Variants in DCAF4L2 observed in about 807,000 individuals in gnomAD.
The protein encoded by DCAF4L2 is DDB1- and CUL4-associated factor 4-like protein 2.
Under a neutral mutation model 15.5 loss-of-function variants are expected in DCAF4L2, and 13 were observed. That is an observed-to-expected ratio of 0.84 (90% CI 0.54 to 1.33). DCAF4L2 has a LOEUF of 1.33. Among genes scored for constraint, DCAF4L2 ranks in the 40% most tolerant of loss-of-function variants. The pLI is 0.00. For synonymous variants in DCAF4L2, 251 were observed against 207.0 expected, an observed-to-expected ratio of 1.21 and a Z score of -1.83; for missense variants, 519 against 509.6, an observed-to-expected ratio of 1.02 and a Z score of -0.18.
Position 87,873,671 on chromosome 8 carries a change from T to C in DCAF4L2, c.301A>G (p.Ile101Val), listed in dbSNP as rs574916638. ...QVEAGGSKYG[I>V]ITMRGLTTPE... is the part of the protein sequence containing the mutation. ...GTCGTCAGGCCTCGCATGGTGATGA[T>C]GCCGTACTTGGAGCCTCCAGCTTCG... The change falls in exon 1 of 1, where the codon ATC becomes GTC. Residue 101 changes from isoleucine to valine, a missense_variant. Transcript: ENST00000319675. The C allele has an allele frequency of 2.5e-6, 4 of 1,614,202 alleles. 1 individual carries two copies. In the East Asian group the frequency reaches 8.9e-5, roughly 36 times the overall value.
At position 87,873,501 on chromosome 8, in the gene DCAF4L2, C is replaced by T. The variant is rs367787384; in HGVS notation, c.471G>A (p.Val157=). 3 of 1,614,088 alleles carry T rather than the reference C, an allele frequency of 1.9e-6. No homozygotes were observed. The highest frequency in any genetic ancestry group is 2.5e-6 in the Non-Finnish European group (3 of 1,180,056). ...CTATGAACAGCGACGCTGGGAGCAG[C>T]ACGGCACAGCTTGGAGTATCTGCAA... The part of the protein sequence containing the change: ...VGLADTPSCA[V]LLPASLFIGS... Residue 157 remains valine (V), a synonymous_variant, in exon 1 of 1, where the codon GTG becomes GTA. Coordinates refer to ENST00000319675, the MANE Select transcript of DCAF4L2 (RefSeq NM_152418.4).
Position 87,873,266 on chromosome 8 carries a change from T to C in DCAF4L2, c.706A>G (p.Thr236Ala), listed in dbSNP as rs762635134. The change falls in exon 1 of 1, where the codon ACT becomes GCT. Residue 236 changes from threonine to alanine, a missense_variant. Transcript: ENST00000319675. ...CGACAGCCATTAAACAGCAAAGGAG[T>C]CATGATTGCAAACTGCTGGGCCAAG... ...DVLAQQFAIM[T>A]PLLFNGCRSG... The C allele has an allele frequency of 1.9e-6, 3 of 1,613,484 alleles. No homozygotes were observed. The highest frequency in any genetic ancestry group is 2.5e-6 in the Non-Finnish European group (3 of 1,179,886).
rs1293239941 is a variant in DCAF4L2, at chr8:87,873,322, T to C, written c.650A>G (p.His217Arg). The change falls in exon 1 of 1, where the codon CAC becomes CGC. Residue 217 changes from histidine (H) to arginine (R), a missense_variant. His to Arg is a conservative substitution (Grantham distance 29). Transcript: ENST00000319675. ...ACTGCTAGTCCCAAATGACTGCTGG[T>C]GTCCCGTCACCACGTTGGTCAACAG... ...QVLLTNVVTG[H>R]QQSFGTSSDV... 1.9e-6 allele frequency: 3 copies of C among 1,614,086 alleles called. No homozygotes were observed.
rs1272226690 is a variant in DCAF4L2 at position 87,872,584 on chromosome 8, T to C, written c.*200A>G. 6 of 480,702 alleles carry C rather than the reference T, an allele frequency of 1.2e-5. No individual in the cohort carries two copies. The East Asian group carries it at 1.9e-4, about 15-fold the overall frequency. 29.8% of individuals were successfully genotyped at this position (480,702 alleles called of 1,614,324 possible). ...TAGTTATCTTTTATGAAAAGGACTTTCAAGCTCTCTCAGCCCAGTTTAACT... is the reference window on the plus strand; with the variant it reads ...TAGTTATCTTTTATGAAAAGGACTTCCAAGCTCTCTCAGCCCAGTTTAACT... On this transcript the variant is annotated 3_prime_UTR_variant, in exon 1 of 1. Transcript: ENST00000319675.
In DCAF4L2 at chr8:87,873,986, G is replaced by A. The variant is rs930916219; in HGVS notation, c.-15C>T. On this transcript the variant is annotated 5_prime_UTR_variant, in exon 1 of 1. Coordinates refer to ENST00000319675, the MANE Select transcript of DCAF4L2 (RefSeq NM_152418.4). ...TTGCTCTCCATTTCGTTCGGCGGATGTTCTCCCTCCTGAGGGGAAGTTCTG... is the reference window on the plus strand; with the variant it reads ...TTGCTCTCCATTTCGTTCGGCGGATATTCTCCCTCCTGAGGGGAAGTTCTG... The A allele has an allele frequency of 3.1e-6, 5 of 1,610,126 alleles. No homozygotes were observed. The highest frequency in any genetic ancestry group is 2.2e-5 in the East Asian group (1 of 44,794).
At position 87,870,778 on chromosome 8, in the gene DCAF4L2, G is replaced by A. The variant is rs908818911; in HGVS notation, c.*2006C>T. ...TGCACTTATTTTATTTGCAAGTGAGGGTAAACAGATTCGCAAGTTACGTAG... is the reference window on the plus strand; with the variant it reads ...TGCACTTATTTTATTTGCAAGTGAGAGTAAACAGATTCGCAAGTTACGTAG... On this transcript the variant is annotated 3_prime_UTR_variant, in exon 1 of 1. Transcript: ENST00000319675. 1 of 151,842 alleles carries A rather than the reference G, an allele frequency of 6.6e-6. No individual in the cohort carries two copies. The highest frequency in any genetic ancestry group is 6.6e-5 in the Admixed American group (1 of 15,242). The allele number at this position is 151,842 out of a possible 1,614,324, so 9.4% of individuals were successfully genotyped here.
chr8:87,873,556 T>G lies in DCAF4L2; in HGVS notation c.416A>C (p.Asp139Ala), dbSNP rs1282072276. 6.2e-7 allele frequency: 1 copy of G among 1,614,178 alleles called. No individual in the cohort carries two copies. Among genetic ancestry groups the G allele is most frequent in the Admixed American group, 1.7e-5 (1 of 60,026 alleles). ...SMCWASLNHL[D>A]SHLLLCFVGL... ...CACGAAGCACAGCAGAAGGTGGGAA[T>G]CCAAGTGATTCAGTGAGGCCCAGCA... Residue 139 changes from aspartate to alanine, a missense_variant, in exon 1 of 1, where the codon GAT (aspartate) becomes GCT (alanine). Physicochemically the swap from Asp to Ala is moderately radical, Grantham distance 126 (BLOSUM62 -2). Coordinates refer to ENST00000319675, the MANE Select transcript of DCAF4L2 (RefSeq NM_152418.4).
In DCAF4L2 at chr8:87,872,195, T is replaced by C. The variant is rs546742844; in HGVS notation, c.*589A>G. On this transcript the variant is annotated 3_prime_UTR_variant, in exon 1 of 1. Transcript: ENST00000319675. ...TTCTATTATTTAAAAAGATCCACCT[T>C]TCCTCCCATTGCCTATGGAAAATAA... 3.1e-5 allele frequency: 5 copies of C among 162,830 alleles called. No homozygotes were observed. In the South Asian group the frequency reaches 1.0e-3, roughly 34 times the overall value. The allele number at this position is 162,830 out of a possible 1,614,324, so 10.1% of individuals were successfully genotyped here. A position where few individuals can be genotyped will look rare whatever the true frequency, so the allele number is the denominator to read the frequency against.
In DCAF4L2 at chr8:87,873,384, C is replaced by T. The variant is rs760989849; in HGVS notation, c.588G>A (p.Ala196=). Residue 196 remains alanine, a synonymous_variant, in exon 1 of 1, where the codon GCG becomes GCA. Coordinates refer to ENST00000319675, the MANE Select transcript of DCAF4L2 (RefSeq NM_152418.4). ...WSCAWSLSIH[A]YHSFSTGLSQ... ...ACAAGCCTGTACTGAAAGAGTGATA[C>T]GCGTGGATGCTCAGGGACCAGGCAC... 20 of 1,614,062 alleles carry T rather than the reference C, an allele frequency of 1.2e-5. No homozygotes were observed. The highest frequency in any genetic ancestry group is 1.6e-4 in the Middle Eastern group (1 of 6,084).
At position 87,872,387 on chromosome 8, in the gene DCAF4L2, C is replaced by G. The variant is rs1427346495; in HGVS notation, c.*397G>C. ...CAGATGATGCATGTATTTCCGGAACCCAGGTAGGACTAGTCAAACAGTCTC... is the reference window on the plus strand; with the variant it reads ...CAGATGATGCATGTATTTCCGGAACGCAGGTAGGACTAGTCAAACAGTCTC... On this transcript the variant is annotated 3_prime_UTR_variant, in exon 1 of 1. Transcript: ENST00000319675. The G allele has an allele frequency of 6.3e-6, 1 of 159,358 alleles. No individual in the cohort carries two copies. Among genetic ancestry groups the G allele is most frequent in the Non-Finnish European group, 1.4e-5 (1 of 72,398 alleles). The allele number at this position is 159,358 out of a possible 1,614,324, so 9.9% of individuals were successfully genotyped here. A position where few individuals can be genotyped will look rare whatever the true frequency, so the allele number is the denominator to read the frequency against.
Position 87,872,727 on chromosome 8 carries a change from G to A in DCAF4L2, c.*57C>T, listed in dbSNP as rs868376368. On this transcript the variant is annotated 3_prime_UTR_variant, in exon 1 of 1. Transcript: ENST00000319675. ...AATGCGCTCATAGAAACGGTAATACGATGCTCTTTACTTCTTTAAGTCAAA... is the reference window on the plus strand; with the variant it reads ...AATGCGCTCATAGAAACGGTAATACAATGCTCTTTACTTCTTTAAGTCAAA... 4.0e-6 allele frequency: 6 copies of A among 1,489,976 alleles called. No individual in the cohort carries two copies. In the Admixed American group the frequency reaches 7.0e-5, roughly 17 times the overall value. The allele number at this position is 1,489,976 out of a possible 1,614,324, so 92.3% of individuals were successfully genotyped here.
rs2117892916 is a variant in DCAF4L2, at chr8:87,873,880, T to C, written c.92A>G (p.Lys31Arg). 6.2e-7 allele frequency: 1 copy of C among 1,614,190 alleles called. No individual in the cohort carries two copies. Among genetic ancestry groups the C allele is most frequent in the Non-Finnish European group, 8.5e-7 (1 of 1,180,038 alleles). The part of the protein sequence containing the change: ...VGLNAPSMLR[K>R]NQLGFLRFAN... ...GAATCTGAGGAAACCTAGCTGGTTC[T>C]TTCGTAGCATGGAAGGTGCATTGAG... The change falls in exon 1 of 1, where the codon AAG (lysine) becomes AGG (arginine). Residue 31 changes from lysine to arginine, a missense_variant. Transcript: ENST00000319675.
In DCAF4L2 at chr8:87,873,740, G is replaced by C. The variant is rs191281735; in HGVS notation, c.232C>G (p.Leu78Val). The part of the protein sequence containing the change: ...SLASDRFNRI[L>V]ANTNTDQLFT... The stretch of plus-strand genomic sequence containing the variant: ...AGCTGGTCAGTGTTGGTATTCGCCA[G>C]TATGCGGTTAAATCGGTCGCTTGCC... Residue 78 changes from leucine (L) to valine (V), a missense_variant, in exon 1 of 1, where the codon CTG (leucine) becomes GTG (valine). Coordinates refer to ENST00000319675, the MANE Select transcript of DCAF4L2 (RefSeq NM_152418.4). The C allele has an allele frequency of 5.9e-5, 95 of 1,614,210 alleles. No homozygotes were observed. In the African/African-American group the frequency reaches 1.1e-3, roughly 19 times the overall value.
At position 87,872,995 on chromosome 8, in the gene DCAF4L2, T is replaced by C. The variant is rs200613731; in HGVS notation, c.977A>G (p.Glu326Gly). The C allele has an allele frequency of 3.7e-5, 59 of 1,601,622 alleles. 1 individual carries two copies. Among genetic ancestry groups the C allele is most frequent in the Non-Finnish European group, 3.8e-5 (44 of 1,168,778 alleles). Residue 326 changes from glutamate (E) to glycine (G), a missense_variant, in exon 1 of 1, where the codon GAA becomes GGA. Transcript: ENST00000319675. ...AYLPVHVNEE[E>G]GVVAAVGQDC... ...CTGGCCCACGGCCGCCACGACTCCT[T>C]CTTCTTCGTTCACATGCACGGGTAG...
chr8:87,873,361 A>G lies in DCAF4L2; in HGVS notation c.611T>C (p.Leu204Ser). ...IHAYHSFSTGLSQQVLLTNVV... is the reference protein window; with the variant it reads ...IHAYHSFSTGSSQQVLLTNVV... ...GTTGGTCAACAGGACCTGCTGAGAC[A>G]AGCCTGTACTGAAAGAGTGATACGC... The change falls in exon 1 of 1, where the codon TTG becomes TCG. Residue 204 changes from leucine (L) to serine (S), a missense_variant. By Grantham distance (145) the Leu-to-Ser change is moderately radical. Coordinates refer to ENST00000319675, the MANE Select transcript of DCAF4L2 (RefSeq NM_152418.4). 1 of 1,614,194 alleles carries G rather than the reference A, an allele frequency of 6.2e-7. No homozygotes were observed. Among genetic ancestry groups the G allele is most frequent in the Non-Finnish European group, 8.5e-7 (1 of 1,180,038 alleles).
rs185686116 is a variant in DCAF4L2, at chr8:87,873,898, G to A, written c.74C>T (p.Ala25Val). 1.7e-5 allele frequency: 28 copies of A among 1,614,108 alleles called. No homozygotes were observed. In the African/African-American group the frequency reaches 2.8e-4, roughly 16 times the overall value. The change falls in exon 1 of 1, where the codon GCA (alanine) becomes GTA (valine). Residue 25 changes from alanine to valine, a missense_variant. Ala to Val is a moderately conservative substitution (Grantham distance 64). Coordinates refer to ENST00000319675, the MANE Select transcript of DCAF4L2 (RefSeq NM_152418.4). ...CTGGTTCTTTCGTAGCATGGAAGGT[G>A]CATTGAGTCCCACTCTGACTGTCTT... ...QKKTVRVGLN[A>V]PSMLRKNQLG...
rs1012220617 is a variant in DCAF4L2, at chr8:87,871,373, A to G, written c.*1411T>C. On this transcript the variant is annotated 3_prime_UTR_variant, in exon 1 of 1. Coordinates refer to ENST00000319675, the MANE Select transcript of DCAF4L2 (RefSeq NM_152418.4). ...AATACTACCTTCGAATGATCTTCCA[A>G]TGCAATCATTTCTGATTTTTCTGAT... 1 of 155,802 alleles carries G rather than the reference A, an allele frequency of 6.4e-6. No homozygotes were observed. Among genetic ancestry groups the G allele is most frequent in the Admixed American group, 6.5e-5 (1 of 15,278 alleles). The allele number at this position is 155,802 out of a possible 1,614,324, so 9.7% of individuals were successfully genotyped here.
Position 87,873,758 on chromosome 8 carries a change from C to G in DCAF4L2, c.214G>C (p.Asp72His), listed in dbSNP as rs774948651. The G allele has an allele frequency of 6.2e-7, 1 of 1,613,998 alleles. No individual in the cohort carries two copies. The highest frequency in any genetic ancestry group is 8.5e-7 in the Non-Finnish European group (1 of 1,180,044). Residue 72 changes from aspartate to histidine, a missense_variant, in exon 1 of 1, where the codon GAC becomes CAC. Asp to His is a moderately conservative substitution (Grantham distance 81). Coordinates refer to ENST00000319675, the MANE Select transcript of DCAF4L2 (RefSeq NM_152418.4). ...TTCGCCAGTATGCGGTTAAATCGGT[C>G]GCTTGCCAAAGAGGAGGGATCCCAG... ...HSWDPSSLAS[D>H]RFNRILANTN...
rs749382024 is a variant in DCAF4L2 at position 87,873,205 on chromosome 8, C to T, written c.767G>A (p.Gly256Glu). ...GGCCTTCCACCCGCTGCCTTGATTT[C>T]CACAGCGCAGATCAATGCCAAAGAT... ...GEIFGIDLRCGNQGSGWKAIC... is the reference protein window; with the variant it reads ...GEIFGIDLRCENQGSGWKAIC... The change falls in exon 1 of 1, where the codon GGA becomes GAA. Residue 256 changes from glycine (G) to glutamate (E), a missense_variant. Transcript: ENST00000319675. 6.2e-6 allele frequency: 10 copies of T among 1,614,152 alleles called. No homozygotes were observed. In the Admixed American group the frequency reaches 1.7e-4, roughly 27 times the overall value.
Sources: allele counts gnomAD v4.1 joint callset, GRCh38; gene constraint gnomAD v4.1.1; transcripts MANE v1.5; gene names NCBI Gene and HGNC (gene_info 2026-07-23, HGNC 2026-07-21).